The following NAV1 variants were observed in gnomAD, a reference collection of about 807,000 sequenced individuals.
NAV1 encodes the protein neuron navigator 1, also known as pore membrane and/or filament interacting like protein 3.
NAV1 carries 18 observed loss-of-function variants against 175.2 expected under a neutral mutation model. The observed-to-expected ratio is 0.10, with a 90% CI of 0.07 to 0.15. NAV1 has a LOEUF of 0.15. Among genes scored for constraint, NAV1 ranks in the 10% least tolerant of loss-of-function variants. The pLI, the probability that NAV1 is intolerant of heterozygous loss-of-function variation, is 1.00. For missense variants in NAV1, 1,731 were observed against 2,436.6 expected (o/e 0.71, Z 6.10); for synonymous variants, 897 against 978.7 (o/e 0.92, Z 1.56).
At chr1:201,546,183 T>C (rs1665667733) in intron 1 of NAV1, among the ~76,000 whole-genome samples, 1 of 152,212 alleles carries the variant, frequency 6.6e-6, no homozygotes, top group African/African-American at 2.4e-5. Flanking sequence ...CCCCTCTGGC[T>C]CTCCTTCCCC....
exon 1 of NAV1, chr1:201,648,792 A>C: frequency 6.6e-7 from 1 of 1,522,530 alleles, no homozygotes. Flanking sequence ...CGGCAGAGGC[A>C]TGCTGCCCAA....
Position 201,782,096 on chromosome 1 carries a change from C to T in NAV1, c.1664-80C>T, listed in dbSNP as rs1449849807. 7.0e-6 allele frequency: 9 copies of T among 1,278,748 alleles called. No individual in the cohort carries two copies. In the Admixed American group the frequency reaches 1.8e-4, roughly 26 times the overall value. The allele number at this position is 1,278,748 out of a possible 1,614,324, so 79.2% of individuals were successfully genotyped here. On this transcript the variant is annotated intron_variant, in intron 5 of 29. Transcript: ENST00000367296. The surrounding 1 kb of genome is among the most constrained non-coding windows in gnomAD (Gnocchi z 5.4). ...CAATACATGGACAATGTTCCCTTCT[C>T]CCATGGAGGGAAAGAAAAGGGTGGG... is the stretch of plus-strand genomic sequence containing the variant.
At chr1:201,723,692 C>T (rs1373152998) in intron 3 of NAV1, 1 of 152,180 alleles carries the variant, frequency 6.6e-6, no homozygotes, top group South Asian at 2.1e-4. Context: ...CTATCTAGTA[C>T]AATAATCTTA....
upstream of NAV1, among the ~76,000 whole-genome samples, chr1:201,621,332 C>CTTTTTT (rs11422175): frequency 5.0e-5 from 6 of 118,892 alleles, no homozygotes; most frequent in East Asian, 2.7e-4. Context: ...TCTTTTCTTT[C>CTTTTTT]TTTTTTTTTT....
upstream of NAV1, among the ~76,000 whole-genome samples, chr1:201,644,032 G>A (rs141768539): frequency 6.6e-6 from 1 of 152,314 alleles, no homozygotes; most frequent in East Asian, 1.9e-4. Context: ...GGAGTGGGAT[G>A]ATGAGCTGGT....
intron 3 of NAV1, chr1:201,737,452 CAGCTGAG>C (rs1673163957): frequency 6.6e-6 from 1 of 152,232 alleles, no homozygotes; most frequent in South Asian, 2.1e-4. Flanking sequence ...AGTGGGGACT[CAGCTGAG>C]AGCCTCTCCC....
intron 1 of NAV1, among the ~76,000 whole-genome samples, chr1:201,543,233 CT>C (rs1665565604): frequency 6.6e-6 from 1 of 152,168 alleles, no homozygotes; most frequent in South Asian, 2.1e-4. Flanking sequence ...TGATTTTAGC[CT>C]TTCACCAGTG....
At chr1:201,577,501 A>C (rs1475149129) in intron 1 of NAV1, among the ~76,000 whole-genome samples, 30 of 83,812 alleles carry the variant, frequency 3.6e-4, no homozygotes, top group African/African-American at 1.3e-3. Context: ...TTTTTTGGCT[A>C]TGGATGTCCA....
intron 3 of NAV1, among the ~76,000 whole-genome samples, chr1:201,768,432 G>C (rs1425432699): frequency 6.6e-6 from 1 of 151,734 alleles, no homozygotes; most frequent in African/African-American, 2.4e-5. Context: ...GAGCTCAGTA[G>C]TTTGGAACCA....
intron 2 of NAV1, among the ~76,000 whole-genome samples, chr1:201,639,452 G>A (rs1668690901): frequency 6.6e-6 from 1 of 152,208 alleles, no homozygotes; most frequent in African/African-American, 2.4e-5. Context: ...GTGCCTTGTT[G>A]TGCACTGCCA....
intron 1 of NAV1, among the ~76,000 whole-genome samples, chr1:201,628,000 G>C (rs765892650): frequency 6.6e-6 from 1 of 151,928 alleles, no homozygotes; most frequent in African/African-American, 2.4e-5. Flanking sequence ...TCAGCTAGGC[G>C]TGGTAGCTTG....
At chr1:201,820,645 T>C (rs1467631976) in exon 30 of NAV1, 3 of 152,088 alleles carry the variant, frequency 2.0e-5, no homozygotes, top group African/African-American at 7.2e-5. Context: ...ACCTGAGAAG[T>C]CACCAAACCA....
chr1:201,732,526 T>A (rs1178358456), intron 3 of NAV1, among the ~76,000 whole-genome samples: 1 of 152,080 alleles, frequency 6.6e-6, no homozygotes, highest in East Asian at 1.9e-4. Flanking sequence ...AGTTTCCTGC[T>A]CTTGGGAAGT....
At chr1:201,744,932 G>A (rs1282857681) in intron 3 of NAV1, among the ~76,000 whole-genome samples, 1 of 152,212 alleles carries the variant, frequency 6.6e-6, no homozygotes, top group Non-Finnish European at 1.5e-5. Flanking sequence ...CCTATCTGGA[G>A]GTCTTTGATA....
chr1:201,626,464 G>A (rs1668333376), intron 1 of NAV1, among the ~76,000 whole-genome samples: 6 of 152,124 alleles, frequency 3.9e-5, no homozygotes, highest in Admixed American at 3.9e-4. Flanking sequence ...CTTTTCAAGG[G>A]CCTTGGTGTG....
At chr1:201,822,072 G>A (rs2271763) in exon 30 of NAV1, 23,776 of 152,598 alleles carry the variant, frequency 0.16, 2,380 homozygotes, top group South Asian at 0.26. Context: ...CTGCATCCAC[G>A]TGGTAAGCTC....
chr1:201,623,719 C>A, intron 1 of NAV1, 113 bp downstream of exon 3: 1 of 951,360 alleles, frequency 1.1e-6, no homozygotes, highest in Non-Finnish European at 1.3e-6. Context: ...GACCAGAGGG[C>A]CCCAGGCGAT....
At position 201,783,318 on chromosome 1, in the gene NAV1, C is replaced by A. The variant is rs1676457733; in HGVS notation, c.2358-88C>A. ...CTGTGCTTAGCAAATAGGCAGAAAA[C>A]AAGACTGGATAGGATTTCTTTAAGG... On this transcript the variant is annotated intron_variant, in intron 6 of 29. Transcript: ENST00000367296. The A allele has an allele frequency of 3.8e-6, 5 of 1,326,580 alleles. No homozygotes were observed. In the Admixed American group the frequency reaches 7.7e-5, roughly 20 times the overall value. The allele number at this position is 1,326,580 out of a possible 1,614,324, so 82.2% of individuals were successfully genotyped here.
At chr1:201,559,107 GGA>G (rs925555385) in intron 1 of NAV1, among the ~76,000 whole-genome samples, 1 of 152,142 alleles carries the variant, frequency 6.6e-6, no homozygotes, top group African/African-American at 2.4e-5. Flanking sequence ...AAGGATTGAA[GGA>G]GATAACGCGT....
Sources: gnomAD v4.1 joint callset for allele counts (sites outside exome capture counted in the v4.1 genomes callset) on GRCh38, gnomAD v4.1.1 for gene constraint, Gnocchi (gnomAD v3.1) non-coding constraint, MANE v1.5 for transcripts, NCBI Gene and HGNC (gene_info 2026-07-23, HGNC 2026-07-21) for gene names.